Variants in DBNL observed in about 807,000 individuals in gnomAD.
The protein encoded by DBNL is drebrin like, also known as drebrin-like protein.
DBNL carries 35 observed loss-of-function variants against 62.2 expected under a neutral mutation model. The ratio of observed to expected loss-of-function variants is 0.56; its 90% CI spans 0.43 to 0.75. The LOEUF (loss-of-function observed/expected upper bound fraction) is 0.75. DBNL is among the 30% of genes least tolerant of loss of function. The pLI, the probability that DBNL is intolerant of heterozygous loss-of-function variation, is 0.00. For synonymous variants in DBNL, 197 were observed against 218.0 expected (o/e 0.90, Z 0.85); for missense variants, 495 against 578.4 (o/e 0.86, Z 1.48).
chr7:44,059,994 G>T lies in DBNL; in HGVS notation c.1048-54G>T. 6.4e-7 allele frequency: 1 copy of T among 1,555,790 alleles called. No homozygotes were observed. On this transcript the variant is annotated intron_variant, in intron 11 of 12. Transcript: ENST00000448521. This position sits in a 1 kb window ranked among gnomAD's most constrained non-coding sequence, Gnocchi z 4.1. Reference sequence around the variant, plus strand: ...GACCTGAGCCATGTGGGGCAGAGCAGCGATTGTGTGTAAGGGCTGAGTCTG... The same window carrying T: ...GACCTGAGCCATGTGGGGCAGAGCATCGATTGTGTGTAAGGGCTGAGTCTG...
chr7:44,050,339 G>A, intron 2 of DBNL, 59 bp downstream of exon 2: 3 of 1,583,668 alleles, frequency 1.9e-6, no homozygotes, highest in Non-Finnish European at 2.6e-6. Context: ...GACGACGAGG[G>A]GTCAGCGCAC....
intron 4 of DBNL, among the ~76,000 whole-genome samples, chr7:44,053,398 C>CT (rs2096130027): frequency 6.6e-6 from 1 of 152,182 alleles, no homozygotes. Context: ...ATTTTAAAAA[C>CT]TATTTGTAAC....
Position 44,059,402 on chromosome 7 carries a change from C to G in DBNL, c.884C>G (p.Thr295Ser), listed in dbSNP as rs546933785. ...FLQKQLTQPE[T>S]HFGREPAAAI... ...CAGAAGCAGCTCACCCAACCAGAGA[C>G]CCACTTTGGCAGAGAGCCAGCTGCT... is the stretch of plus-strand genomic sequence containing the variant. The change falls in exon 10 of 13, where the codon ACC becomes AGC. Residue 295 changes from threonine to serine, a missense_variant. Physicochemically the swap from Thr to Ser is moderately conservative, Grantham distance 58 (BLOSUM62 1). Coordinates refer to ENST00000448521, the MANE Select transcript of DBNL (RefSeq NM_001014436.3). The surrounding 1 kb of genome is among the most constrained non-coding windows in gnomAD (Gnocchi z 4.1). 9.3e-6 allele frequency: 15 copies of G among 1,614,126 alleles called. No homozygotes were observed. Among genetic ancestry groups the G allele is most frequent in the African/African-American group, 1.3e-5 (1 of 75,042 alleles).
rs2096152394 is a variant in DBNL, at chr7:44,063,199, C to A, written c.*2283C>A. The A allele has an allele frequency of 7.0e-5, 36 of 515,474 alleles. 1 individual carries two copies. Among genetic ancestry groups the A allele is most frequent in the Middle Eastern group, 5.3e-4 (1 of 1,872 alleles). 31.9% of individuals were successfully genotyped at this position (515,474 alleles called of 1,614,324 possible). The stretch of plus-strand genomic sequence containing the variant: ...ATCTGTGGTGGTGCTGTCCATAGTT[C>A]CCTCAGCCCAGTGTGACTCCAGCCA... On this transcript the variant is annotated 3_prime_UTR_variant, in exon 13 of 13. Transcript: ENST00000448521.
rs763655017 is a variant in DBNL at position 44,060,862 on chromosome 7, G to A, written c.1239G>A (p.Gly413=). 10 of 1,614,096 alleles carry A rather than the reference G, an allele frequency of 6.2e-6. No homozygotes were observed. The South Asian group carries it at 9.9e-5, about 16-fold the overall frequency. The change falls in exon 13 of 13, where the codon GGG becomes GGA. Residue 413 remains glycine (G), a synonymous_variant. Transcript: ENST00000448521. This position sits in a 1 kb window ranked among gnomAD's most constrained non-coding sequence, Gnocchi z 6.3. The part of the protein sequence containing the change: ...VIDEGWWRGY[G]PDGHFGMFPA... ...ACGAAGGCTGGTGGCGTGGCTATGG[G>A]CCGGATGGCCATTTTGGCATGTTCC...
chr7:44,045,321 C>A (rs1458455045), intron 1 of DBNL, among the ~76,000 whole-genome samples: 1 of 152,204 alleles, frequency 6.6e-6, no homozygotes, highest in Admixed American at 6.5e-5. Flanking sequence ...CTGGGGGCTT[C>A]AGACGAGGAG....
At position 44,061,149 on chromosome 7, in the gene DBNL, T is replaced by G. The variant is rs1003539214; in HGVS notation, c.*233T>G. On this transcript the variant is annotated 3_prime_UTR_variant, in exon 13 of 13. Transcript: ENST00000448521. ...CCCCGACCCTCCCAGACAGCTTGGC[T>G]CTTGCCCCTGACAGGATACTGAGCC... The G allele has an allele frequency of 5.2e-6, 3 of 581,306 alleles. No individual in the cohort carries two copies. The African/African-American group carries it at 5.7e-5, about 11-fold the overall frequency. 36.0% of individuals were successfully genotyped at this position (581,306 alleles called of 1,614,324 possible).
At position 44,067,830 on chromosome 7, in the gene DBNL, AG is replaced by A. The variant is rs1464430523; in HGVS notation, c.*6915del. The A allele has an allele frequency of 6.6e-6, 1 of 152,264 alleles. No individual in the cohort carries two copies. The highest frequency in any genetic ancestry group is 1.5e-5 in the Non-Finnish European group (1 of 68,068). 9.4% of individuals were successfully genotyped at this position (152,264 alleles called of 1,614,324 possible). Reference sequence around the variant, plus strand: ...AGGAGCAGCTGTCAGTAGACAGATAAGAAAAGGAGATCAGATTCAAAGTTCC... The same window carrying A: ...AGGAGCAGCTGTCAGTAGACAGATAAAAAAGGAGATCAGATTCAAAGTTCC... On this transcript the variant is annotated 3_prime_UTR_variant, in exon 13 of 13. Transcript: ENST00000448521.
intron 3 of DBNL, among the ~76,000 whole-genome samples, chr7:44,052,495 AG>A (rs2096128326): frequency 3.9e-5 from 6 of 152,018 alleles, no homozygotes; most frequent in Non-Finnish European, 7.4e-5. Context: ...CTGTAGTCCC[AG>A]CTACTCAGGA....
intron 4 of DBNL, 148 bp from the exon 5 acceptor site, chr7:44,056,609 A>G: frequency 8.6e-7 from 1 of 1,159,066 alleles, no homozygotes; most frequent in Non-Finnish European, 1.2e-6. Flanking sequence ...CTCGTGCCTC[A>G]GTTTTCAGCA....
At position 44,065,500 on chromosome 7, in the gene DBNL, C is replaced by T. The variant is rs1196680177; in HGVS notation, c.*4584C>T. 6.2e-7 allele frequency: 1 copy of T among 1,614,068 alleles called. No individual in the cohort carries two copies. Among genetic ancestry groups the T allele is most frequent in the Non-Finnish European group, 8.5e-7 (1 of 1,180,042 alleles). On this transcript the variant is annotated 3_prime_UTR_variant, in exon 13 of 13. Coordinates refer to ENST00000448521, the MANE Select transcript of DBNL (RefSeq NM_001014436.3). ...CCTGGTTCCATGTGCTCTCGCCGTG[C>T]CGGACCATCACGAGGCGGTGAGTGG...
At chr7:44,058,518 G>A (rs372524480) in intron 8 of DBNL, 38 bp downstream of exon 8, 6 of 1,611,130 alleles carry the variant, frequency 3.7e-6, no homozygotes, top group Non-Finnish European at 4.2e-6. Flanking sequence ...GACCTGTCCT[G>A]GCCACACGCA....
At chr7:44,050,037 A>C in intron 1 of DBNL, 188 bp from the exon 2 acceptor site, 1 of 564,198 alleles carries the variant, frequency 1.8e-6, no homozygotes, top group Non-Finnish European at 3.3e-6. Flanking sequence ...AGAGCTGAGA[A>C]GGCTGCACAG....
rs929700864 is a variant in DBNL, at chr7:44,060,363, C to A, written c.1153+210C>A. ...CACAGCCCAGGCCTCCCTACATGTT[C>A]CTCATTAGCTATTTGCTGGCCGCTG... On this transcript the variant is annotated intron_variant, in intron 12 of 12. Coordinates refer to ENST00000448521, the MANE Select transcript of DBNL (RefSeq NM_001014436.3). This position sits in a 1 kb window ranked among gnomAD's most constrained non-coding sequence, Gnocchi z 6.3. Among the ~76,000 whole-genome samples, 1 of 152,102 alleles carries A rather than the reference C, an allele frequency of 6.6e-6. No homozygotes were observed. Among genetic ancestry groups the A allele is most frequent in the African/African-American group, 2.4e-5 (1 of 41,394 alleles).
At position 44,062,523 on chromosome 7, in the gene DBNL, C is replaced by G. The variant is rs1415864528; in HGVS notation, c.*1607C>G. 3 of 561,154 alleles carry G rather than the reference C, an allele frequency of 5.3e-6. No homozygotes were observed. The highest frequency in any genetic ancestry group is 9.6e-6 in the Non-Finnish European group (3 of 311,208). The allele number at this position is 561,154 out of a possible 1,614,324, so 34.8% of individuals were successfully genotyped here. The stretch of plus-strand genomic sequence containing the variant: ...AGTGGCTCTGAAGCTTCAGGGTCAC[C>G]ACAGGCTTGTCCTGACTGCAAACTC... On this transcript the variant is annotated 3_prime_UTR_variant, in exon 13 of 13. Coordinates refer to ENST00000448521, the MANE Select transcript of DBNL (RefSeq NM_001014436.3).
At chr7:44,058,075 G>A (rs1000281497) in intron 6 of DBNL, 54 bp from the exon 7 acceptor site, 1 of 1,545,038 alleles carries the variant, frequency 6.5e-7, no homozygotes, top group African/African-American at 1.4e-5. Flanking sequence ...CCTGGGCAGG[G>A]GATTAGGCTG....
chr7:44,049,442 G>A (rs1262152790), intron 1 of DBNL, among the ~76,000 whole-genome samples: 3 of 152,332 alleles, frequency 2.0e-5, no homozygotes, highest in Non-Finnish European at 4.4e-5. Context: ...GATTACAGGC[G>A]TGAGCCACTG....
chr7:44,045,004 C>T (rs1394284378), intron 1 of DBNL, 184 bp downstream of exon 1: 1 of 520,916 alleles, frequency 1.9e-6, no homozygotes, highest in African/African-American at 2.0e-5. Flanking sequence ...CCTCGTGACC[C>T]CTTGCCCCGC....
Position 44,051,873 on chromosome 7 carries a change from G to C in DBNL, c.183G>C (p.Lys61Asn). The C allele has an allele frequency of 6.2e-7, 1 of 1,614,172 alleles. No individual in the cohort carries two copies. The highest frequency in any genetic ancestry group is 8.5e-7 in the Non-Finnish European group (1 of 1,180,030). ...TGGTGGAGGAGCTCAACAGCGGGAA[G>C]GTGATGTACGCCTTCTGCAGAGTGA... is the stretch of plus-strand genomic sequence containing the variant. ...EEMVEELNSG[K>N]VMYAFCRVKD... The change falls in exon 3 of 13, where the codon AAG becomes AAC. Residue 61 changes from lysine to asparagine, a missense_variant. Physicochemically the swap from Lys to Asn is moderately conservative, Grantham distance 94 (BLOSUM62 0). Coordinates refer to ENST00000448521, the MANE Select transcript of DBNL (RefSeq NM_001014436.3).
Sources: allele counts gnomAD v4.1 joint callset (sites outside exome capture counted in the v4.1 genomes callset), GRCh38; gene constraint gnomAD v4.1.1; non-coding constraint Gnocchi (gnomAD v3.1); transcripts MANE v1.5; gene names NCBI Gene and HGNC (gene_info 2026-07-23, HGNC 2026-07-21).